CLCN5: variants seen among roughly 807,000 people sequenced by gnomAD.
CLCN5 encodes H(+)/Cl(-) exchange transporter 5.
Under a neutral mutation model 54.0 loss-of-function variants are expected in CLCN5, and 17 were observed. The observed-to-expected ratio is 0.31, with a 90% CI of 0.22 to 0.47. The LOEUF is 0.47. Among genes scored for constraint, CLCN5 ranks in the 20% least tolerant of loss-of-function variants. The probability of loss-of-function intolerance (pLI) is 1.00; values close to 1 mark genes in which losing one functional copy is unlikely to be tolerated. For missense variants in CLCN5, 448 were observed against 646.7 expected (o/e 0.69, Z 3.33); for synonymous variants, 222 against 233.0 (o/e 0.95, Z 0.43).
Position 50,080,734 on chromosome X carries a change from G to A in CLCN5, c.726+18G>A, listed in dbSNP as rs1557192991. On this transcript the variant is annotated intron_variant, in intron 8 of 14. Transcript: ENST00000376091. Reference sequence around the variant, plus strand: ...TCCCTGAGGTGAGTCTCTTAAAATGGTTTATAAATGGTTACAATATGAATA... The same window carrying A: ...TCCCTGAGGTGAGTCTCTTAAAATGATTTATAAATGGTTACAATATGAATA... 21 of 1,170,835 alleles carry A rather than the reference G, an allele frequency of 1.8e-5. No homozygotes were observed. Among genetic ancestry groups the A allele is most frequent in the Non-Finnish European group, 2.3e-5 (20 of 859,854 alleles).
At chrX:50,070,134 C>A in intron 5 of CLCN5, 104 bp downstream of exon 5, 1 of 777,298 alleles carries the variant, frequency 1.3e-6, no homozygotes, top group Non-Finnish European at 1.9e-6. Context: ...CTGGATGTGA[C>A]TGAATCTGGT....
At chrX:50,028,122 T>C (rs1357981215) in intron 3 of CLCN5, among the ~76,000 whole-genome samples, 1 of 111,974 alleles carries the variant, frequency 8.9e-6, no homozygotes, top group African/African-American at 3.2e-5. Flanking sequence ...AGTTATGACT[T>C]TGAAAAGTGC....
chrX:50,023,592 G>A (rs1316235656), intron 3 of CLCN5, among the ~76,000 whole-genome samples: 21 of 16,410 alleles, frequency 1.3e-3, no homozygotes, highest in Non-Finnish European at 1.6e-3. Flanking sequence ...TTTACATTTT[G>A]GCATGATTTT....
rs782820761 is a variant in CLCN5 at position 49,967,550 on chromosome X, G to A, written c.16+42236G>A. Among the ~76,000 whole-genome samples the A allele has an allele frequency of 5.6e-4, 49 of 87,814 alleles. 3 individuals carry two copies. The East Asian group carries it at 0.014, about 24-fold the overall frequency. 76.3% of individuals were successfully genotyped at this position (87,814 alleles called of 115,157 possible). A position where few individuals can be genotyped will look rare whatever the true frequency, so the allele number is the denominator to read the frequency against. On this transcript the variant is annotated intron_variant, in intron 3 of 14. Coordinates refer to ENST00000376091, the MANE Select transcript of CLCN5 (RefSeq NM_001127898.4). ...AAATGTAATCCAGCATATAAACAGA[G>A]CCAAAGACAAAAACCACATGATTAT...
At position 50,097,960 on chromosome X, in the gene CLCN5, G is replaced by A. The variant is rs1420708736; in HGVS notation, c.*5741G>A. 8.9e-6 allele frequency: 1 copy of A among 112,364 alleles called. No individual in the cohort carries two copies. The highest frequency in any genetic ancestry group is 1.9e-5 in the Non-Finnish European group (1 of 53,223). The allele number at this position is 112,364 out of a possible 1,213,427, so 9.3% of individuals were successfully genotyped here. Reference sequence around the variant, plus strand: ...CATCTGGCAAAATCGAGAAGAGAGTGTGGCCTGAGAGGGGAATGTTCAGCC... The same window carrying A: ...CATCTGGCAAAATCGAGAAGAGAGTATGGCCTGAGAGGGGAATGTTCAGCC... On this transcript the variant is annotated 3_prime_UTR_variant, in exon 15 of 15. Coordinates refer to ENST00000376091, the MANE Select transcript of CLCN5 (RefSeq NM_001127898.4).
rs782659010 is a variant in CLCN5, at chrX:49,961,926, A to G, written c.16+36612A>G. On this transcript the variant is annotated intron_variant, in intron 3 of 14. Coordinates refer to ENST00000376091, the MANE Select transcript of CLCN5 (RefSeq NM_001127898.4). ...ATTCTGAGATTTTAAGTGATTCTCC[A>G]GAAAAACTACATCCTATTATTTGAC... is the stretch of plus-strand genomic sequence containing the variant. 3.6e-5 allele frequency among the ~76,000 whole-genome samples: 4 copies of G among 112,306 alleles called. No individual in the cohort carries two copies. The East Asian group carries it at 1.1e-3, about 31-fold the overall frequency.
intron 3 of CLCN5, among the ~76,000 whole-genome samples, chrX:50,032,169 G>A (rs1175461947): frequency 2.7e-5 from 3 of 110,863 alleles, no homozygotes; most frequent in Non-Finnish European, 3.8e-5. Context: ...GAATAGTGCC[G>A]CAATAAACAT....
intron 9 of CLCN5, among the ~76,000 whole-genome samples, chrX:50,082,826 G>A (rs1237511065): frequency 9.0e-6 from 1 of 111,184 alleles, no homozygotes; most frequent in Non-Finnish European, 1.9e-5. Flanking sequence ...TTCAGATGTC[G>A]GTTTTTTCAC....
At chrX:50,000,808 G>A (rs1929762215) in intron 3 of CLCN5, among the ~76,000 whole-genome samples, 1 of 112,157 alleles carries the variant, frequency 8.9e-6, no homozygotes, top group Admixed American at 9.5e-5. Context: ...GGATTAACAT[G>A]TAATAAACTT....
chrX:49,997,875 C>T (rs1569538292), intron 3 of CLCN5, among the ~76,000 whole-genome samples: 1 of 110,972 alleles, frequency 9.0e-6, no homozygotes, highest in Non-Finnish European at 1.9e-5. Flanking sequence ...CCCTAGTTCT[C>T]TCTTTCTTTT....
intron 3 of CLCN5, among the ~76,000 whole-genome samples, chrX:50,015,808 G>A (rs1428728119): frequency 4.5e-5 from 5 of 110,923 alleles, no homozygotes; most frequent in South Asian, 3.9e-4. Flanking sequence ...TCAGGTCAGC[G>A]TAGCAATACA....
intron 3 of CLCN5, among the ~76,000 whole-genome samples, chrX:49,960,214 C>T (rs1256214277): frequency 9.0e-6 from 1 of 110,724 alleles, no homozygotes; most frequent in Non-Finnish European, 1.9e-5. Context: ...CCTCTTGTTC[C>T]ACTGCACCTG....
intron 3 of CLCN5, among the ~76,000 whole-genome samples, chrX:49,966,601 TTTTTTTTTTTA>T (rs1927879595): frequency 2.5e-4 from 4 of 15,992 alleles, no homozygotes; most frequent in Non-Finnish European, 4.0e-4. Flanking sequence ...TTTTTTTTTT[TTTTTTTTTTTA>T]TTTTTTTATT....
intron 9 of CLCN5, chrX:50,085,675 A>G: frequency 3.0e-6 from 1 of 334,583 alleles, no homozygotes; most frequent in Non-Finnish European, 5.3e-6. Flanking sequence ...AGGCCTAGAA[A>G]TTCAAATGCA....
chrX:50,082,274 T>C (rs1933730458), intron 9 of CLCN5, among the ~76,000 whole-genome samples: 1 of 111,035 alleles, frequency 9.0e-6, no homozygotes, highest in South Asian at 3.8e-4. Flanking sequence ...CACTTATTGA[T>C]AGAAAATGTC....
intron 3 of CLCN5, among the ~76,000 whole-genome samples, chrX:49,952,040 A>G (rs1927065278): frequency 8.9e-6 from 1 of 112,562 alleles, no homozygotes. Context: ...TTATGCATAG[A>G]TGAATGGGCA....
In CLCN5 at chrX:50,065,915, A is replaced by G. The variant is rs1338374370; in HGVS notation, c.164-3964A>G. ...TTCTCAGTAAACTATCGCAACAACA[A>G]AAAACCAAACACCGCATATTCTCAC... On this transcript the variant is annotated intron_variant, in intron 4 of 14. Transcript: ENST00000376091. 5.0e-5 allele frequency among the ~76,000 whole-genome samples: 5 copies of G among 99,955 alleles called. No individual in the cohort carries two copies. The Admixed American group carries it at 5.5e-4, about 11-fold the overall frequency. 86.8% of individuals were successfully genotyped at this position (99,955 alleles called of 115,157 possible).
Position 50,096,102 on chromosome X carries a change from TG to T in CLCN5, c.*3885del, listed in dbSNP as rs1557195550. The T allele has an allele frequency of 9.0e-6, 1 of 111,449 alleles. No individual in the cohort carries two copies. The allele number at this position is 111,449 out of a possible 1,213,427, so 9.2% of individuals were successfully genotyped here. A position where few individuals can be genotyped will look rare whatever the true frequency, so the allele number is the denominator to read the frequency against. On this transcript the variant is annotated 3_prime_UTR_variant, in exon 15 of 15. Coordinates refer to ENST00000376091, the MANE Select transcript of CLCN5 (RefSeq NM_001127898.4). ...TTGTGAGGAACTGGGTCCCCTGCAC[TG>T]GATCAGAGCCAAATGCAAGCCACCC...
intron 7 of CLCN5, among the ~76,000 whole-genome samples, chrX:50,079,016 G>T (rs5906905): frequency 2.0e-3 from 218 of 111,201 alleles, no homozygotes; most frequent in Non-Finnish European, 3.5e-3. Flanking sequence ...GTAGAGACGG[G>T]GTTTCACCAT....
Sources: gnomAD v4.1 joint callset for allele counts (sites outside exome capture counted in the v4.1 genomes callset) on GRCh38, gnomAD v4.1.1 for gene constraint, MANE v1.5 for transcripts, NCBI Gene and HGNC (gene_info 2026-07-23, HGNC 2026-07-21) for gene names.